BRSK2: variants seen among roughly 807,000 people sequenced by gnomAD.
The protein encoded by BRSK2 is serine/threonine-protein kinase BRSK2.
Under a neutral mutation model 83.3 loss-of-function variants are expected in BRSK2, and 19 were observed. The observed-to-expected ratio is 0.23, with a 90% confidence interval of 0.16 to 0.33. BRSK2 has a LOEUF of 0.33. BRSK2 is among the 10% of genes least tolerant of loss of function. The pLI is 1.00. For synonymous variants in BRSK2, 519 were observed against 435.4 expected (o/e 1.19, Z -2.39); for missense variants, 798 against 1,042.3 (o/e 0.77, Z 3.23).
intron 1 of BRSK2, among the ~76,000 whole-genome samples, chr11:1,419,468 C>G (rs1272595450): frequency 6.6e-6 from 1 of 152,194 alleles, no homozygotes; most frequent in African/African-American, 2.4e-5. Context: ...TTTTTCAGTC[C>G]TTATTTAAAT....
rs759635579 is a variant in BRSK2, at chr11:1,442,574, G to A, written c.498G>A (p.Gln166=). 1 of 1,612,952 alleles carries A rather than the reference G, an allele frequency of 6.2e-7. No individual in the cohort carries two copies. The highest frequency in any genetic ancestry group is 2.2e-5 in the East Asian group (1 of 44,864). The change falls in exon 5 of 20, where the codon CAG becomes CAA. Residue 166 remains glutamine (Q), a synonymous_variant. Coordinates refer to ENST00000528841, the MANE Select transcript of BRSK2 (RefSeq NM_001256627.2). ...RIADFGMASL[Q]VGDSLLETSC... ...CAGACTTTGGCATGGCGTCCCTGCA[G>A]GTTGGCGACAGCCTGTTGGAGACCA...
rs201893103 is a variant in BRSK2 at position 1,449,785 on chromosome 11, C to T, written c.1236C>T (p.Ser412=). 2.6e-4 allele frequency: 414 copies of T among 1,612,256 alleles called. No homozygotes were observed. Among genetic ancestry groups the T allele is most frequent in the Admixed American group, 4.0e-4 (24 of 59,972 alleles). The change falls in exon 13 of 20, where the codon TCC becomes TCT. Residue 412 remains serine (S), a synonymous_variant. Coordinates refer to ENST00000528841, the MANE Select transcript of BRSK2 (RefSeq NM_001256627.2). ...EMAQHGQRSR[S]ISGASSGLST... is the part of the protein sequence containing the mutation. ...ACCTTGTGACCTCCAGGTCTCGGTC[C>T]ATCAGCGGTGCCTCCTCAGGCCTTT...
At chr11:1,395,716 C>A (rs150969755) in intron 1 of BRSK2, among the ~76,000 whole-genome samples, 7 of 152,126 alleles carry the variant, frequency 4.6e-5, no homozygotes, top group Admixed American at 3.3e-4. Context: ...CACCGCCCGG[C>A]CCTGATCGTG....
At chr11:1,393,156 A>G (rs1378461435) in intron 1 of BRSK2, among the ~76,000 whole-genome samples, 1 of 152,192 alleles carries the variant, frequency 6.6e-6, no homozygotes, top group Non-Finnish European at 1.5e-5. Context: ...AGCAAGGGCA[A>G]CCATGGAGGT....
chr11:1,448,064 A>G (rs2133158876), intron 12 of BRSK2, among the ~76,000 whole-genome samples: 1 of 152,202 alleles, frequency 6.6e-6, no homozygotes, highest in African/African-American at 2.4e-5. Context: ...GGCGTGGCCC[A>G]CGCCTGCCTG....
chr11:1,406,888 ATATCTGTG>A (rs1225964661), intron 1 of BRSK2, among the ~76,000 whole-genome samples: 1 of 152,108 alleles, frequency 6.6e-6, no homozygotes, highest in Admixed American at 6.5e-5. Flanking sequence ...GTGCGCCTGC[ATATCTGTG>A]TGTCTGTGTG....
chr11:1,400,527 C>A (rs993306684), intron 1 of BRSK2, among the ~76,000 whole-genome samples: 13 of 152,246 alleles, frequency 8.5e-5, no homozygotes, highest in African/African-American at 3.1e-4. Flanking sequence ...GTCTTCCACC[C>A]GTCCACATCC....
chr11:1,435,152 C>A (rs1487300698), intron 1 of BRSK2, among the ~76,000 whole-genome samples: 2 of 149,044 alleles, frequency 1.3e-5, no homozygotes, highest in Non-Finnish European at 3.0e-5. Flanking sequence ...TGGGGCCCGT[C>A]CTGGTGTCCT....
intron 19 of BRSK2, among the ~76,000 whole-genome samples, chr11:1,460,192 C>A (rs1042287308): frequency 9.2e-5 from 14 of 152,140 alleles, no homozygotes; most frequent in Non-Finnish European, 2.1e-4. Context: ...AGCACTGGGT[C>A]CTGCGCAACA....
intron 1 of BRSK2, among the ~76,000 whole-genome samples, chr11:1,413,695 G>A (rs899573554): frequency 6.6e-6 from 1 of 152,222 alleles, no homozygotes; most frequent in Admixed American, 6.5e-5. Flanking sequence ...CAGGTCCATG[G>A]CGGGGCCTGG....
intron 1 of BRSK2, among the ~76,000 whole-genome samples, chr11:1,429,210 C>G (rs551227984): frequency 6.9e-6 from 1 of 145,146 alleles, no homozygotes; most frequent in East Asian, 2.1e-4. Flanking sequence ...TGTGTGTGCA[C>G]GCGGTGTGTG....
Position 1,460,334 on chromosome 11 carries a change from G to A in BRSK2, c.1988-166G>A, listed in dbSNP as rs951018216. On this transcript the variant is annotated intron_variant, in intron 19 of 19. Transcript: ENST00000528841. The stretch of plus-strand genomic sequence containing the variant: ...GCTTGCCGCCCACCGGTCCCCGCTC[G>A]GCCCCATCTCAGCCTCATCTCTGGG... Among the ~76,000 whole-genome samples the A allele has an allele frequency of 1.4e-4, 21 of 151,778 alleles. 1 individual carries two copies. The South Asian group carries it at 1.5e-3, about 11-fold the overall frequency.
At chr11:1,446,045 T>TAGCTGGGCTG (rs1852011041) in intron 12 of BRSK2, 138 bp downstream of exon 12, 2 of 810,024 alleles carry the variant, frequency 2.5e-6, no homozygotes, top group South Asian at 3.5e-5. Flanking sequence ...AAACTGGGCT[T>TAGCTGGGCTG]AGCTGGGCTG....
intron 19 of BRSK2, among the ~76,000 whole-genome samples, chr11:1,460,174 G>A (rs1055351285): frequency 1.3e-4 from 20 of 152,108 alleles, no homozygotes; most frequent in African/African-American, 3.6e-4. Flanking sequence ...GCCTCGCTTC[G>A]CCAAAGGAGC....
chr11:1,451,386 AGAT>A lies in BRSK2; in HGVS notation c.1513_1515del (p.Met505del), dbSNP rs1396520072. The A allele has an allele frequency of 6.2e-7, 1 of 1,612,794 alleles. No homozygotes were observed. The highest frequency in any genetic ancestry group is 1.3e-5 in the African/African-American group (1 of 74,924). ...GTGTGCACAGTTCCGACGCCGGAGG[AGAT>A]GTCCAACCTGACACCAGAGTCGTCC... On this transcript the variant is annotated inframe_deletion, in exon 15 of 20. Transcript: ENST00000528841.
intron 13 of BRSK2, 54 bp downstream of exon 13, chr11:1,449,890 C>T: frequency 7.0e-7 from 1 of 1,422,986 alleles, no homozygotes; most frequent in South Asian, 1.2e-5. Context: ...CCCAACCCTC[C>T]CAGTCAGCGT....
intron 1 of BRSK2, among the ~76,000 whole-genome samples, chr11:1,420,592 C>G (rs1313038419): frequency 6.6e-6 from 1 of 152,182 alleles, no homozygotes. Flanking sequence ...GGCCTGGGCC[C>G]CTCCATGCAG....
chr11:1,415,144 G>T (rs991600361), intron 1 of BRSK2, among the ~76,000 whole-genome samples: 40 of 146,554 alleles, frequency 2.7e-4, no homozygotes, highest in African/African-American at 8.8e-4. Context: ...GCCCAGGATG[G>T]AGTGCAGTGG....
chr11:1,403,927 C>A (rs1846661606), intron 1 of BRSK2, among the ~76,000 whole-genome samples: 1 of 152,164 alleles, frequency 6.6e-6, no homozygotes. Context: ...GGGACGGTGG[C>A]ATCACGGGAG....
Sources: gnomAD v4.1 joint callset for allele counts (sites outside exome capture counted in the v4.1 genomes callset) on GRCh38, gnomAD v4.1.1 for gene constraint, MANE v1.5 for transcripts, NCBI Gene and HGNC (gene_info 2026-07-23, HGNC 2026-07-21) for gene names.